The following ATXN1 variants were observed in gnomAD, a reference collection of about 807,000 sequenced individuals.
ATXN1 encodes ataxin-1.
A neutral mutation model predicts 56.4 loss-of-function variants in ATXN1; 8 were observed. The observed-to-expected ratio is 0.14, with a 90% confidence interval of 0.08 to 0.26. The LOEUF is 0.26. ATXN1 is among the 10% of genes least tolerant of loss of function. ATXN1 has a pLI of 1.00. For missense variants in ATXN1, 987 were observed against 1,106.5 expected, an observed-to-expected ratio of 0.89 and a Z score of 1.53; for synonymous variants, 514 against 494.6, an observed-to-expected ratio of 1.04 and a Z score of -0.52.
chr6:16,701,949 A>C (rs60544205), intron 2 of ATXN1, among the ~76,000 whole-genome samples: 23,096 of 152,056 alleles, frequency 0.15, 2,248 homozygotes, highest in African/African-American at 0.27. Context: ...CCATCAAGCT[A>C]CCAATGACTT....
chr6:16,353,413 AC>A (rs1217218194), intron 6 of ATXN1, among the ~76,000 whole-genome samples: 1 of 152,036 alleles, frequency 6.6e-6, no homozygotes, highest in Non-Finnish European at 1.5e-5. Context: ...GGTGGCTCAC[AC>A]CTGTAGTCCC....
chr6:16,360,174 T>C (rs1002571350), intron 6 of ATXN1, among the ~76,000 whole-genome samples: 1 of 152,000 alleles, frequency 6.6e-6, no homozygotes, highest in Non-Finnish European at 1.5e-5. Flanking sequence ...AGACCATGGG[T>C]TCTCAATATC....
At chr6:16,731,123 AAGG>A (rs556379100) in intron 2 of ATXN1, among the ~76,000 whole-genome samples, 5 of 152,156 alleles carry the variant, frequency 3.3e-5, no homozygotes, top group Non-Finnish European at 7.4e-5. Flanking sequence ...CTACAAATGG[AAGG>A]AGGTTTAGTA....
At chr6:16,631,988 T>G (rs1478876159) in intron 3 of ATXN1, among the ~76,000 whole-genome samples, 1 of 152,176 alleles carries the variant, frequency 6.6e-6, no homozygotes, top group African/African-American at 2.4e-5. Flanking sequence ...TTCTTATTAT[T>G]AATTAGTCTC....
intron 3 of ATXN1, among the ~76,000 whole-genome samples, chr6:16,631,517 C>A (rs1249654547): frequency 2.0e-5 from 3 of 152,212 alleles, no homozygotes; most frequent in Non-Finnish European, 4.4e-5. Context: ...GCCAAAAATT[C>A]TGTATCATTC....
chr6:16,530,704 A>T (rs1761487084), intron 4 of ATXN1, among the ~76,000 whole-genome samples: 1 of 152,186 alleles, frequency 6.6e-6, no homozygotes, highest in Non-Finnish European at 1.5e-5. Context: ...CCCCCATGAC[A>T]CAAGTTTACC....
intron 5 of ATXN1, among the ~76,000 whole-genome samples, chr6:16,511,036 A>G (rs1310144876): frequency 6.6e-6 from 1 of 152,224 alleles, no homozygotes; most frequent in Non-Finnish European, 1.5e-5. Flanking sequence ...ACAGATTGCT[A>G]CAGATGGAAG....
At chr6:16,707,719 G>T (rs919016555) in intron 2 of ATXN1, among the ~76,000 whole-genome samples, 1 of 152,178 alleles carries the variant, frequency 6.6e-6, no homozygotes, top group African/African-American at 2.4e-5. Context: ...GACTGAGAGA[G>T]AAGAGGTCCA....
At chr6:16,642,566 T>C (rs898014584) in intron 3 of ATXN1, among the ~76,000 whole-genome samples, 4 of 152,246 alleles carry the variant, frequency 2.6e-5, no homozygotes, top group African/African-American at 9.6e-5. Context: ...TTGAAAGTTC[T>C]ACTATGGGTA....
chr6:16,342,334 CT>C (rs201642770), intron 6 of ATXN1, among the ~76,000 whole-genome samples: 1 of 150,614 alleles, frequency 6.6e-6, no homozygotes, highest in African/African-American at 2.4e-5. Context: ...ACATTATATT[CT>C]TTTTTTTAAA....
chr6:16,445,922 A>G (rs550650312), intron 6 of ATXN1, among the ~76,000 whole-genome samples: 10 of 151,596 alleles, frequency 6.6e-5, no homozygotes, highest in African/African-American at 2.4e-4. Flanking sequence ...CCAGTCTATC[A>G]TTGTTGGACA....
chr6:16,542,837 A>G lies in ATXN1; in HGVS notation c.-360-20149T>C, dbSNP rs532718934. ...AATAAGTCACAGTAAGAGATTAACA[A>G]CAAAAACTAATAATAAAATAGAACA... On this transcript the variant is annotated intron_variant, in intron 4 of 7. Coordinates refer to ENST00000436367, the MANE Select transcript of ATXN1 (RefSeq NM_001128164.2). Among the ~76,000 whole-genome samples the G allele has an allele frequency of 7.9e-5, 12 of 152,320 alleles. 1 individual carries two copies. The highest frequency in any genetic ancestry group is 2.9e-4 in the African/African-American group (12 of 41,562).
At chr6:16,440,648 A>AAAAGAAAGAAAG (rs1759496199) in intron 6 of ATXN1, among the ~76,000 whole-genome samples, 1 of 118,548 alleles carries the variant, frequency 8.4e-6, no homozygotes, top group East Asian at 2.6e-4. Context: ...CTTAAAAAAA[A>AAAAGAAAGAAAG]AAAAGAAAAG....
At chr6:16,385,254 A>T (rs1758214001) in intron 6 of ATXN1, among the ~76,000 whole-genome samples, 1 of 152,178 alleles carries the variant, frequency 6.6e-6, no homozygotes, top group Non-Finnish European at 1.5e-5. Flanking sequence ...AGGTATGGAG[A>T]ATCTCAGAAG....
At chr6:16,679,221 A>ATGGGTGGAAGGAT (rs1758750440) in intron 2 of ATXN1, among the ~76,000 whole-genome samples, 1 of 147,892 alleles carries the variant, frequency 6.8e-6, no homozygotes, top group African/African-American at 2.5e-5. Context: ...GATGGGTGGA[A>ATGGGTGGAAGGAT]GGATGAATAG....
intron 6 of ATXN1, among the ~76,000 whole-genome samples, chr6:16,451,953 C>A (rs186258461): frequency 6.6e-6 from 1 of 152,250 alleles, no homozygotes; most frequent in Admixed American, 6.5e-5. Context: ...GTTTCCTCTG[C>A]ATATAGAAAA....
chr6:16,533,218 T>C (rs537912098), intron 4 of ATXN1, among the ~76,000 whole-genome samples: 12 of 152,218 alleles, frequency 7.9e-5, no homozygotes, highest in Admixed American at 2.6e-4. Flanking sequence ...TTTATCACAA[T>C]AAAAAGAAGA....
chr6:16,580,447 C>T (rs893373829), intron 4 of ATXN1, among the ~76,000 whole-genome samples: 16 of 152,110 alleles, frequency 1.1e-4, no homozygotes, highest in Non-Finnish European at 2.9e-5. Flanking sequence ...GTATGGTTTG[C>T]CAACATTGAA....
At chr6:16,611,848 A>ATTT (rs1476367660) in intron 3 of ATXN1, among the ~76,000 whole-genome samples, 7 of 106,578 alleles carry the variant, frequency 6.6e-5, no homozygotes, top group East Asian at 3.5e-4. Flanking sequence ...AAGCAGATGA[A>ATTT]ATTTTTTTTT....
Sources: gnomAD v4.1 joint callset for allele counts (sites outside exome capture counted in the v4.1 genomes callset) on GRCh38, gnomAD v4.1.1 for gene constraint, MANE v1.5 for transcripts, NCBI Gene and HGNC (gene_info 2026-07-23, HGNC 2026-07-21) for gene names.